DGKG: variants seen among roughly 807,000 people sequenced by gnomAD.
The protein encoded by DGKG is DAG kinase gamma.
Under a neutral mutation model 105.3 loss-of-function variants are expected in DGKG, and 78 were observed. The ratio of observed to expected loss-of-function variants is 0.74; its 90% CI spans 0.62 to 0.89. DGKG has a LOEUF of 0.89. Ranked by LOEUF, DGKG falls within the 40% of genes least tolerant of loss-of-function variation. The probability of loss-of-function intolerance (pLI) is 0.00; values close to 1 mark genes in which losing one functional copy is unlikely to be tolerated. For missense variants in DGKG, 958 were observed against 1,020.1 expected (o/e 0.94, Z 0.83); for synonymous variants, 346 against 367.1 (o/e 0.94, Z 0.66).
intron 3 of DGKG, chr3:186,306,655 G>T: frequency 2.3e-6 from 1 of 435,314 alleles, no homozygotes; most frequent in Middle Eastern, 5.7e-4. Flanking sequence ...AACTGAGGAT[G>T]AGGAGAGGAG....
chr3:186,169,389 G>C (rs1320980015), intron 22 of DGKG, among the ~76,000 whole-genome samples: 1 of 152,096 alleles, frequency 6.6e-6, no homozygotes, highest in African/African-American at 2.4e-5. Context: ...ACGCTTTTTG[G>C]TATTTCTTAT....
At chr3:186,267,908 C>A in intron 12 of DGKG, 131 bp from the exon 13 acceptor site, 1 of 771,108 alleles carries the variant, frequency 1.3e-6, no homozygotes, top group Admixed American at 2.0e-5. Flanking sequence ...CTGGCTTTGA[C>A]AGTATTGCCG....
rs148352479 is a variant in DGKG, at chr3:186,227,851, G to A, written c.1826+14653C>T. 3.0e-3 allele frequency among the ~76,000 whole-genome samples: 455 copies of A among 152,254 alleles called. 3 individuals are homozygous for A. Among genetic ancestry groups the A allele is most frequent in the African/African-American group, 1.0e-2 (415 of 41,548 alleles). The stretch of plus-strand genomic sequence containing the variant: ...ACTGAATATGCTAATCACATCAGCC[G>A]TAAATACAGATACAGACTCTGTTGT... On this transcript the variant is annotated intron_variant, in intron 20 of 24. Transcript: ENST00000265022.
chr3:186,304,062 C>G (rs1305619616), intron 3 of DGKG, among the ~76,000 whole-genome samples: 1 of 152,230 alleles, frequency 6.6e-6, no homozygotes, highest in Admixed American at 6.5e-5. Flanking sequence ...GGGGGCCAGC[C>G]CCGACAGAGG....
chr3:186,291,869 C>T (rs1039259667), intron 5 of DGKG, among the ~76,000 whole-genome samples: 1 of 152,144 alleles, frequency 6.6e-6, no homozygotes, highest in African/African-American at 2.4e-5. Context: ...TAATTATACA[C>T]TTAAAACATG....
rs113613146 is a variant in DGKG at position 186,233,443 on chromosome 3, C to T, written c.1826+9061G>A. Among the ~76,000 whole-genome samples the T allele has an allele frequency of 3.2e-3, 484 of 152,258 alleles. 2 individuals carry two copies. Among genetic ancestry groups the T allele is most frequent in the African/African-American group, 0.011 (460 of 41,568 alleles). ...GGTGACACCTATTTCAGACTTCCAA[C>T]CTCCAGAACTGTAACACAGCAGTGC... On this transcript the variant is annotated intron_variant, in intron 20 of 24. Transcript: ENST00000265022.
intron 21 of DGKG, among the ~76,000 whole-genome samples, chr3:186,196,561 G>T (rs1448493945): frequency 6.6e-6 from 1 of 152,190 alleles, no homozygotes; most frequent in Non-Finnish European, 1.5e-5. Flanking sequence ...TTAAGGGAAT[G>T]GCCCAATGTT....
At chr3:186,315,899 C>A (rs1724796083) in intron 2 of DGKG, among the ~76,000 whole-genome samples, 1 of 152,202 alleles carries the variant, frequency 6.6e-6, no homozygotes, top group African/African-American at 2.4e-5. Flanking sequence ...GGAGGGAGTT[C>A]CGTTCTAGGA....
intron 16 of DGKG, among the ~76,000 whole-genome samples, 176 bp from the exon 17 acceptor site, chr3:186,258,115 A>C (rs1017379085): frequency 3.9e-5 from 6 of 152,210 alleles, no homozygotes; most frequent in Non-Finnish European, 7.3e-5. Context: ...AGTGCCTTGA[A>C]TATGGAGCCA....
chr3:186,344,688 C>A (rs572343168), intron 1 of DGKG, among the ~76,000 whole-genome samples: 2 of 152,112 alleles, frequency 1.3e-5, no homozygotes, highest in African/African-American at 4.8e-5. Flanking sequence ...AACAACCCCC[C>A]ATGACACAAG....
chr3:186,162,449 G>C (rs1241025912), intron 23 of DGKG, among the ~76,000 whole-genome samples: 1 of 152,254 alleles, frequency 6.6e-6, no homozygotes, highest in Non-Finnish European at 1.5e-5. Context: ...GTTGCATCAT[G>C]TCAATGAGGT....
At chr3:186,233,460 C>G (rs181507866) in intron 20 of DGKG, among the ~76,000 whole-genome samples, 1 of 150,998 alleles carries the variant, frequency 6.6e-6, no homozygotes, top group African/African-American at 2.4e-5. Flanking sequence ...AACTGTAACA[C>G]AGCAGTGCCG....
chr3:186,270,197 C>T (rs1182309705), intron 11 of DGKG, among the ~76,000 whole-genome samples: 3 of 152,210 alleles, frequency 2.0e-5, no homozygotes, highest in African/African-American at 7.2e-5. Flanking sequence ...ATGATCACAA[C>T]TCACTGCAGC....
intron 19 of DGKG, among the ~76,000 whole-genome samples, chr3:186,243,520 A>G (rs571678181): frequency 6.6e-6 from 1 of 152,308 alleles, no homozygotes; most frequent in South Asian, 2.1e-4. Flanking sequence ...TGATAGCTCC[A>G]AAGTGTCAAT....
chr3:186,158,807 T>G (rs1448009615), intron 24 of DGKG: 1 of 911,466 alleles, frequency 1.1e-6, no homozygotes, highest in Admixed American at 6.2e-5. Flanking sequence ...TTATTAAATA[T>G]CTAACATTTT....
chr3:186,297,841 C>T (rs1460198041), intron 4 of DGKG, among the ~76,000 whole-genome samples: 1 of 96,376 alleles, frequency 1.0e-5, no homozygotes, highest in African/African-American at 4.0e-5. Context: ...CTCTTTGATC[C>T]ATAGTGGCAG....
At chr3:186,208,303 A>G (rs1315036847) in intron 21 of DGKG, among the ~76,000 whole-genome samples, 8 of 151,992 alleles carry the variant, frequency 5.3e-5, no homozygotes, top group African/African-American at 1.2e-4. Flanking sequence ...TGGCTTCTCA[A>G]TGTGCTGGGA....
intron 24 of DGKG, among the ~76,000 whole-genome samples, chr3:186,153,193 T>C (rs1408418369): frequency 6.6e-6 from 1 of 152,070 alleles, no homozygotes; most frequent in Non-Finnish European, 1.5e-5. Context: ...ATTCTATTAC[T>C]ATAGAACCGA....
At chr3:186,233,783 A>G (rs1720278084) in intron 20 of DGKG, among the ~76,000 whole-genome samples, 1 of 152,234 alleles carries the variant, frequency 6.6e-6, no homozygotes, top group Non-Finnish European at 1.5e-5. Flanking sequence ...ACGCCCAGCC[A>G]GTAGTGTTGT....
Sources: allele counts gnomAD v4.1 joint callset (sites outside exome capture counted in the v4.1 genomes callset), GRCh38; gene constraint gnomAD v4.1.1; transcripts MANE v1.5; gene names NCBI Gene and HGNC (gene_info 2026-07-23, HGNC 2026-07-21).